LIPA: variants seen among roughly 807,000 people sequenced by gnomAD.
The protein encoded by LIPA is lysosomal acid lipase/cholesteryl ester hydrolase.
LIPA carries 26 observed loss-of-function variants against 40.6 expected under a neutral mutation model. The observed-to-expected ratio is 0.64, with a 90% CI of 0.47 to 0.89. The LOEUF (loss-of-function observed/expected upper bound fraction) is 0.89. Among genes scored for constraint, LIPA ranks in the 40% least tolerant of loss-of-function variants. The probability of loss-of-function intolerance (pLI) is 0.00; values close to 1 mark genes in which losing one functional copy is unlikely to be tolerated. For missense variants in LIPA, 455 were observed against 479.6 expected (o/e 0.95, Z 0.48); for synonymous variants, 188 against 168.4 (o/e 1.12, Z -0.90).
intron 2 of LIPA, among the ~76,000 whole-genome samples, chr10:89,378,678 T>C (rs375700999): frequency 1.3e-5 from 2 of 152,122 alleles, no homozygotes; most frequent in African/African-American, 4.8e-5. Context: ...ATAAAGTCCA[T>C]AGAGTCAGCT....
chr10:89,290,007 G>A (rs1032548516), intron 1 of LIPA, among the ~76,000 whole-genome samples: 13 of 147,670 alleles, frequency 8.8e-5, no homozygotes, highest in Non-Finnish European at 1.8e-4. Flanking sequence ...AGGGTGGGGG[G>A]GACTCTGTAT....
chr10:89,221,764 A>G lies in LIPA; in HGVS notation c.894+747T>C, dbSNP rs547913061. The stretch of plus-strand genomic sequence containing the variant: ...AAAACAGTAAGCAGGAGAAAAATCA[A>G]TCTATTTCTACATCTACTATTTCTA... On this transcript the variant is annotated intron_variant, in intron 8 of 9. Transcript: ENST00000336233. 1.1e-4 allele frequency among the ~76,000 whole-genome samples: 17 copies of G among 152,304 alleles called. No individual in the cohort carries two copies. The East Asian group carries it at 3.3e-3, about 29-fold the overall frequency.
At position 89,247,607 on chromosome 10, in the gene LIPA, G is replaced by GACCCCTCAGAATGC; in HGVS notation, c.41_42insGCATTCTGAGGGGT (p.Trp15HisfsTer17). On this transcript the variant is annotated frameshift_variant, in exon 2 of 10. Transcript: ENST00000336233. LOFTEE classifies it high-confidence loss of function. ...CAGACCCCTCAGAATGCAGGGTCCA[G>GACCCCTCAGAATGC]AGAACCAAACAGACCACCAACCCCA... 1 of 1,613,282 alleles carries GACCCCTCAGAATGC rather than the reference G, an allele frequency of 6.2e-7. No individual in the cohort carries two copies. The highest frequency in any genetic ancestry group is 8.5e-7 in the Non-Finnish European group (1 of 1,179,416).
intron 3 of LIPA, among the ~76,000 whole-genome samples, chr10:89,239,709 C>A (rs1473175159): frequency 6.6e-6 from 1 of 152,196 alleles, no homozygotes; most frequent in African/African-American, 2.4e-5. Context: ...TTGTTCACTG[C>A]AGAACGTTCC....
intron 1 of LIPA, chr10:89,339,868 G>A: frequency 1.2e-6 from 2 of 1,614,224 alleles, no homozygotes; most frequent in Non-Finnish European, 1.7e-6. Flanking sequence ...ACCACAGAAT[G>A]TATCTGAAAA....
chr10:89,301,884 A>G (rs1589593961), intron 1 of LIPA: 1 of 415,332 alleles, frequency 2.4e-6, no homozygotes, highest in Admixed American at 3.9e-5. Context: ...CTCCGGAGGA[A>G]AAAGAGTCCT....
intron 1 of LIPA, 141 bp downstream of exon 1, chr10:89,251,596 C>T (rs187368991): frequency 2.0e-5 from 3 of 152,344 alleles, no homozygotes; most frequent in Non-Finnish European, 4.4e-5. Flanking sequence ...CCCGCAGGCA[C>T]CCCAGGCAAG....
intron 1 of LIPA, among the ~76,000 whole-genome samples, chr10:89,277,126 A>G (rs1333329743): frequency 6.6e-6 from 1 of 152,242 alleles, no homozygotes; most frequent in African/African-American, 2.4e-5. Flanking sequence ...TATCCAGGAA[A>G]TGGGGGTGAA....
intron 2 of LIPA, among the ~76,000 whole-genome samples, chr10:89,377,271 A>C (rs895344810): frequency 2.6e-5 from 4 of 152,260 alleles, no homozygotes; most frequent in Admixed American, 2.6e-4. Context: ...CAGAAGAAAC[A>C]TAAGGACAAC....
intron 2 of LIPA, among the ~76,000 whole-genome samples, chr10:89,361,950 G>C (rs1228468367): frequency 7.1e-6 from 1 of 141,488 alleles, no homozygotes; most frequent in Non-Finnish European, 1.5e-5. Flanking sequence ...CCTGGCTGGA[G>C]GGCAGTGGTA....
chr10:89,384,564 A>G (rs757949041), intron 2 of LIPA: 2 of 1,614,190 alleles, frequency 1.2e-6, no homozygotes, highest in African/African-American at 1.3e-5. Flanking sequence ...CCAGGGAAAA[A>G]CTTCTCAATG....
chr10:89,240,608 C>T (rs969296854), intron 3 of LIPA, among the ~76,000 whole-genome samples: 2 of 152,086 alleles, frequency 1.3e-5, no homozygotes, highest in African/African-American at 4.8e-5. Context: ...TTGAATAAGT[C>T]AAAACTTCAA....
chr10:89,322,221 T>A (rs115232126), intron 1 of LIPA, among the ~76,000 whole-genome samples: 5,965 of 152,144 alleles, frequency 0.039, 386 homozygotes, highest in African/African-American at 0.13. Context: ...AGTAAAATTT[T>A]AAAAAATGCA....
intron 2 of LIPA, among the ~76,000 whole-genome samples, chr10:89,365,643 G>C (rs1242262771): frequency 1.3e-5 from 2 of 151,982 alleles, no homozygotes; most frequent in African/African-American, 4.8e-5. Flanking sequence ...TGTAAGGAAG[G>C]GATCCAGTTT....
At chr10:89,377,484 C>G (rs1844130326) in intron 2 of LIPA, among the ~76,000 whole-genome samples, 1 of 152,210 alleles carries the variant, frequency 6.6e-6, no homozygotes, top group African/African-American at 2.4e-5. Flanking sequence ...AATGCAAATG[C>G]TGCTGGAGGA....
intron 2 of LIPA, among the ~76,000 whole-genome samples, chr10:89,382,531 T>C (rs1938588097): frequency 6.6e-6 from 1 of 152,222 alleles, no homozygotes; most frequent in African/African-American, 2.4e-5. Context: ...TTACTACAAT[T>C]GTTGAGATTT....
intron 5 of LIPA, 71 bp from the exon 6 acceptor site, chr10:89,225,299 G>GTCACTCGCGAC: frequency 6.3e-7 from 1 of 1,593,426 alleles, no homozygotes; most frequent in African/African-American, 1.3e-5. Flanking sequence ...CACAAAGGCC[G>GTCACTCGCGAC]TCACTCGCGA....
chr10:89,361,948 G>C (rs1276385123), intron 2 of LIPA, among the ~76,000 whole-genome samples: 1 of 138,750 alleles, frequency 7.2e-6, no homozygotes, highest in African/African-American at 2.7e-5. Flanking sequence ...ACCCTGGCTG[G>C]AGGGCAGTGG....
At chr10:89,237,354 A>C (rs1426527621) in intron 3 of LIPA, among the ~76,000 whole-genome samples, 2 of 152,194 alleles carry the variant, frequency 1.3e-5, no homozygotes, top group African/African-American at 2.4e-5. Flanking sequence ...ATAACAGAAG[A>C]AGCAGCTCCT....
Sources: allele counts gnomAD v4.1 joint callset (sites outside exome capture counted in the v4.1 genomes callset), GRCh38; gene constraint gnomAD v4.1.1; transcripts MANE v1.5; gene names NCBI Gene and HGNC (gene_info 2026-07-23, HGNC 2026-07-21).